The following IGSF10 variants were observed in gnomAD, a reference collection of about 807,000 sequenced individuals.
IGSF10 encodes the protein calvaria mechanical force protein 608.
In IGSF10, 126 loss-of-function variants were observed where a neutral mutation model predicts 128.2. That is an observed-to-expected ratio of 0.98 (90% CI 0.85 to 1.14). The LOEUF (loss-of-function observed/expected upper bound fraction) is 1.14. IGSF10 is among the 50% of genes most tolerant of loss of function. The pLI, the probability that IGSF10 is intolerant of heterozygous loss-of-function variation, is 0.00. For synonymous variants in IGSF10, 1,185 were observed against 1,146.2 expected, an observed-to-expected ratio of 1.03 and a Z score of -0.68; for missense variants, 3,295 against 3,149.8, an observed-to-expected ratio of 1.05 and a Z score of -1.10.
chr3:151,438,147 T>C lies in IGSF10; in HGVS notation c.6414A>G (p.Thr2138=), dbSNP rs2108525954. ...TACTCTGCCTTATCCGGGGAGCAGC[T>C]GTTATAACTGTTAAGTGGACCTTCA... ...DEMKVHLTVI[T]AAPRIRQSNK... The change falls in exon 8 of 8, where the codon ACA becomes ACG. Residue 2138 remains threonine, a synonymous_variant. Transcript: ENST00000282466. 1 of 1,614,206 alleles carries C rather than the reference T, an allele frequency of 6.2e-7. No homozygotes were observed. The highest frequency in any genetic ancestry group is 1.1e-5 in the South Asian group (1 of 91,088).
intron 7 of IGSF10, chr3:151,440,468 T>A: frequency 2.2e-6 from 1 of 446,914 alleles, no homozygotes; most frequent in Non-Finnish European, 4.5e-6. Flanking sequence ...CAAATACACC[T>A]AAAGGAAGGG....
At position 151,438,020 on chromosome 3, in the gene IGSF10, C is replaced by T. The variant is rs1287542994; in HGVS notation, c.6541G>A (p.Asp2181Asn). Reference sequence around the variant, plus strand: ...CTATCAATGGAGAAGGAAATCATGTCATTGGAAGGCAGCAACCAAAATATT... The same window carrying T: ...CTATCAATGGAGAAGGAAATCATGTTATTGGAAGGCAGCAACCAAAATATT... The part of the protein sequence containing the change: ...PKIFWLLPSN[D>N]MISFSIDRYT... Residue 2181 changes from aspartate (D) to asparagine (N), a missense_variant, in exon 8 of 8, where the codon GAC becomes AAC. By Grantham distance (23) the Asp-to-Asn change is conservative. Transcript: ENST00000282466. 6.2e-7 allele frequency: 1 copy of T among 1,614,200 alleles called. No homozygotes were observed. The highest frequency in any genetic ancestry group is 2.2e-5 in the East Asian group (1 of 44,884).
Position 151,437,320 on chromosome 3 carries a change from C to G in IGSF10, c.7241G>C (p.Arg2414Thr), listed in dbSNP as rs773508865. The change falls in exon 8 of 8, where the codon AGG (arginine) becomes ACG (threonine). Residue 2414 changes from arginine to threonine, a missense_variant. By Grantham distance (71) the Arg-to-Thr change is moderately conservative (BLOSUM62 -1). Transcript: ENST00000282466. ...TTTCTCAATATAGCCAACTTTATTC[C>G]TAGCTGCACAGCGATATTTTCCTGC... The part of the protein sequence containing the change: ...EDAGKYRCAA[R>T]NKVGYIEKLV... The G allele has an allele frequency of 2.5e-6, 4 of 1,614,052 alleles. No homozygotes were observed. The highest frequency in any genetic ancestry group is 3.4e-6 in the Non-Finnish European group (4 of 1,180,032).
the IGSF10 span, among the ~76,000 whole-genome samples, chr3:151,543,931 A>G: frequency 6.6e-6 from 1 of 152,180 alleles, no homozygotes; most frequent in Non-Finnish European, 1.5e-5. Flanking sequence ...TTTTATTGAG[A>G]CGGAGTTTTA....
At chr3:151,464,728 A>G (rs1283673233), upstream of IGSF10, among the ~76,000 whole-genome samples, 2 of 152,242 alleles carry the variant, frequency 1.3e-5, no homozygotes, top group Non-Finnish European at 2.9e-5. Flanking sequence ...ACCTCCACTG[A>G]GTGATTCCAA....
At chr3:151,523,439 G>A in the IGSF10 span, among the ~76,000 whole-genome samples, 1 of 152,076 alleles carries the variant, frequency 6.6e-6, no homozygotes, top group East Asian at 1.9e-4. Flanking sequence ...TACAGTAAAC[G>A]AAACAGCATA....
the IGSF10 span, among the ~76,000 whole-genome samples, chr3:151,541,300 A>T: frequency 6.6e-6 from 1 of 152,190 alleles, no homozygotes; most frequent in African/African-American, 2.4e-5. Flanking sequence ...TGACTTCAAG[A>T]CAGTATATCT....
chr3:151,469,016 C>T, the IGSF10 span, among the ~76,000 whole-genome samples: 1 of 152,202 alleles, frequency 6.6e-6, no homozygotes, highest in East Asian at 1.9e-4. Context: ...CATTAGTTTG[C>T]TGAGGATAAT....
upstream of IGSF10, among the ~76,000 whole-genome samples, chr3:151,464,824 A>G (rs1722225290): frequency 6.6e-6 from 1 of 152,236 alleles, no homozygotes; most frequent in Non-Finnish European, 1.5e-5. Context: ...ATGAAGAGAC[A>G]TAATGCAGGA....
chr3:151,438,574 T>G lies in IGSF10; in HGVS notation c.5987A>C (p.Tyr1996Ser). ...TCCAATAAACAGGGATCCATTAGGG[T>G]AGACGTGGATCCAGCTGCCCACTCT... ...QHRVGSWIHV[Y>S]PNGSLFIGSV... The change falls in exon 8 of 8, where the codon TAC (tyrosine) becomes TCC (serine). Residue 1996 changes from tyrosine to serine, a missense_variant. Transcript: ENST00000282466. 6.2e-7 allele frequency: 1 copy of G among 1,613,184 alleles called. No individual in the cohort carries two copies. The highest frequency in any genetic ancestry group is 1.7e-5 in the Admixed American group (1 of 59,978).
At chr3:151,528,423 A>T in the IGSF10 span, among the ~76,000 whole-genome samples, 1 of 152,236 alleles carries the variant, frequency 6.6e-6, no homozygotes, top group Non-Finnish European at 1.5e-5. Context: ...ATGATGGCAG[A>T]ATAGGAACAG....
chr3:151,488,811 A>G, the IGSF10 span, among the ~76,000 whole-genome samples: 6 of 152,230 alleles, frequency 3.9e-5, no homozygotes, highest in African/African-American at 1.4e-4. Flanking sequence ...TACACCTTAT[A>G]CAAAAAGTAA....
chr3:151,458,028 G>C (rs1216339276), intron 3 of IGSF10, among the ~76,000 whole-genome samples: 2 of 151,714 alleles, frequency 1.3e-5, no homozygotes, highest in Non-Finnish European at 2.9e-5. Context: ...TTAAAATACA[G>C]TCATATTTTT....
chr3:151,447,871 T>A lies in IGSF10; in HGVS notation c.2110A>T (p.Met704Leu), dbSNP rs1577671041. Residue 704 changes from methionine (M) to leucine (L), a missense_variant, in exon 6 of 8, where the codon ATG (methionine) becomes TTG (leucine). Met to Leu is a conservative substitution (Grantham distance 15, BLOSUM62 2). Transcript: ENST00000282466. ...GTGTGTTTTCCAACCTCAGCCTCCA[T>A]CAGAGCAGATGTACGGAGTTGTGCA... is the stretch of plus-strand genomic sequence containing the variant. ...PGAQLRTSALMEAEVGKHTSS... is the reference protein window; with the variant it reads ...PGAQLRTSALLEAEVGKHTSS... The A allele has an allele frequency of 1.2e-6, 2 of 1,614,076 alleles. No homozygotes were observed. Among genetic ancestry groups the A allele is most frequent in the Non-Finnish European group, 1.7e-6 (2 of 1,179,998 alleles).
chr3:151,515,577 A>G, the IGSF10 span, among the ~76,000 whole-genome samples: 2 of 151,792 alleles, frequency 1.3e-5, no homozygotes, highest in Admixed American at 1.3e-4. Flanking sequence ...TATGTAACAA[A>G]CCTGCACGTT....
At chr3:151,466,564 TTTTTGTTTTG>T in the IGSF10 span, among the ~76,000 whole-genome samples, 15 of 151,922 alleles carry the variant, frequency 9.9e-5, no homozygotes, top group East Asian at 5.8e-4. Context: ...CCAGCACGTG[TTTTTGTTTTG>T]TTTTGTTTTG....
chr3:151,469,283 TTC>T, the IGSF10 span, among the ~76,000 whole-genome samples: 1 of 152,198 alleles, frequency 6.6e-6, no homozygotes, highest in Non-Finnish European at 1.5e-5. Flanking sequence ...CAAATGGTAT[TTC>T]TGTTTCTAGG....
At chr3:151,597,964 T>C in the IGSF10 span, among the ~76,000 whole-genome samples, 3 of 151,652 alleles carry the variant, frequency 2.0e-5, no homozygotes, top group African/African-American at 7.3e-5. Flanking sequence ...CAGAGTTGTT[T>C]AGTTTGTGGA....
chr3:151,593,057 C>T, the IGSF10 span, among the ~76,000 whole-genome samples: 1 of 152,094 alleles, frequency 6.6e-6, no homozygotes, highest in African/African-American at 2.4e-5. Flanking sequence ...GACGTTTAAA[C>T]ACTCTGTCAA....
Sources: allele counts gnomAD v4.1 joint callset (sites outside exome capture counted in the v4.1 genomes callset), GRCh38; gene constraint gnomAD v4.1.1; transcripts MANE v1.5; gene names NCBI Gene and HGNC (gene_info 2026-07-23, HGNC 2026-07-21).